FUT8: variants seen among roughly 807,000 people sequenced by gnomAD.
FUT8 encodes the protein alpha-(1,6)-fucosyltransferase.
Under a neutral mutation model 71.3 loss-of-function variants are expected in FUT8, and 29 were observed. That is an observed-to-expected ratio of 0.41 (90% CI 0.30 to 0.55). The LOEUF is 0.55. Among genes scored for constraint, FUT8 ranks in the 20% least tolerant of loss-of-function variants. FUT8 has a pLI of 0.34. For missense variants in FUT8, 544 were observed against 702.1 expected, an observed-to-expected ratio of 0.77 and a Z score of 2.55; for synonymous variants, 254 against 239.3, an observed-to-expected ratio of 1.06 and a Z score of -0.57.
At chr14:65,366,059 T>C in the FUT8 span, among the ~76,000 whole-genome samples, 1 of 152,140 alleles carries the variant, frequency 6.6e-6, no homozygotes, top group Non-Finnish European at 1.5e-5. Flanking sequence ...CACCCTGAAT[T>C]CTTTCTTGCA....
intron 5 of FUT8, among the ~76,000 whole-genome samples, chr14:65,624,252 C>T (rs191263752): frequency 8.6e-4 from 130 of 150,956 alleles, no homozygotes; most frequent in Non-Finnish European, 1.4e-3. Flanking sequence ...TATTGATACC[C>T]TAACTGCATT....
intron 2 of FUT8, among the ~76,000 whole-genome samples, chr14:65,531,199 TATG>T (rs1883934153): frequency 6.6e-6 from 1 of 151,822 alleles, no homozygotes; most frequent in Non-Finnish European, 1.5e-5. Flanking sequence ...TTCGAAAGGA[TATG>T]AGGTACTCAC....
chr14:65,617,849 C>T (rs900017669), intron 5 of FUT8, among the ~76,000 whole-genome samples: 7 of 151,674 alleles, frequency 4.6e-5, no homozygotes, highest in Non-Finnish European at 7.4e-5. Context: ...GAGGCTGAGG[C>T]CCAAGGATCA....
intron 2 of FUT8, among the ~76,000 whole-genome samples, chr14:65,480,221 G>A (rs758659288): frequency 2.1e-4 from 32 of 151,402 alleles, no homozygotes; most frequent in South Asian, 1.9e-3. Flanking sequence ...ATCTGAATCG[G>A]CCCTTTCTAT....
At chr14:65,454,431 A>G (rs763888747) in intron 1 of FUT8, among the ~76,000 whole-genome samples, 7 of 152,202 alleles carry the variant, frequency 4.6e-5, no homozygotes, top group Non-Finnish European at 2.9e-5. Flanking sequence ...GTTTGATACC[A>G]GCCTGGGCAA....
chr14:65,538,168 C>T (rs1314321307), intron 2 of FUT8, among the ~76,000 whole-genome samples: 1 of 152,182 alleles, frequency 6.6e-6, no homozygotes, highest in East Asian at 1.9e-4. Context: ...CACACCAAAC[C>T]CTCTGGGCTC....
At chr14:65,432,921 C>A (rs2065498766) in intron 1 of FUT8, among the ~76,000 whole-genome samples, 1 of 151,952 alleles carries the variant, frequency 6.6e-6, no homozygotes, top group African/African-American at 2.4e-5. Context: ...ATGGAGTAGC[C>A]ATTCTTTTAT....
chr14:65,544,449 G>GCA (rs548271406), intron 2 of FUT8, among the ~76,000 whole-genome samples: 6 of 151,660 alleles, frequency 4.0e-5, no homozygotes, highest in Admixed American at 2.6e-4. Flanking sequence ...TTATTTATGT[G>GCA]CACACACACA....
the FUT8 span, among the ~76,000 whole-genome samples, chr14:65,400,670 G>A: frequency 4.0e-3 from 615 of 152,276 alleles, 2 homozygotes; most frequent in Non-Finnish European, 6.0e-3. Flanking sequence ...AGGATTGCTT[G>A]AGCCTAGGAG....
At chr14:65,561,015 G>T (rs759300737) in intron 2 of FUT8, among the ~76,000 whole-genome samples, 1 of 152,086 alleles carries the variant, frequency 6.6e-6, no homozygotes, top group Non-Finnish European at 1.5e-5. Flanking sequence ...TTGATTGATT[G>T]TTCAAAGATA....
intron 3 of FUT8, among the ~76,000 whole-genome samples, chr14:65,601,474 G>C (rs957152637): frequency 1.6e-4 from 25 of 152,252 alleles, no homozygotes; most frequent in African/African-American, 6.0e-4. Flanking sequence ...ATATTTAGAA[G>C]TGGTCCGAAT....
intron 1 of FUT8, among the ~76,000 whole-genome samples, chr14:65,451,581 T>G (rs746198607): frequency 1.4e-4 from 21 of 152,204 alleles, no homozygotes; most frequent in Non-Finnish European, 2.8e-4. Flanking sequence ...GTATCCACAC[T>G]TGTGGCTCCT....
At chr14:65,541,659 A>G (rs1168730267) in intron 2 of FUT8, among the ~76,000 whole-genome samples, 2 of 152,208 alleles carry the variant, frequency 1.3e-5, no homozygotes, top group Non-Finnish European at 2.9e-5. Flanking sequence ...TTCTTTATTC[A>G]GTCTACTAAT....
At chr14:65,667,714 A>G (rs1047847336) in intron 6 of FUT8, among the ~76,000 whole-genome samples, 3 of 152,190 alleles carry the variant, frequency 2.0e-5, no homozygotes, top group Non-Finnish European at 4.4e-5. Context: ...CTGAATAGCC[A>G]AAGCCATCCT....
chr14:65,678,251 C>T (rs1235845209), intron 7 of FUT8, among the ~76,000 whole-genome samples: 1 of 152,206 alleles, frequency 6.6e-6, no homozygotes, highest in Non-Finnish European at 1.5e-5. Flanking sequence ...CTCAGAGCTA[C>T]TTGATGGCTT....
intron 3 of FUT8, among the ~76,000 whole-genome samples, chr14:65,575,273 C>T (rs911189353): frequency 1.3e-5 from 2 of 151,706 alleles, no homozygotes; most frequent in African/African-American, 2.4e-5. Context: ...TTTCTCTCTT[C>T]TTCCAATTTA....
At chr14:65,650,716 AAAAAAAAAAAAAAC>A (rs1222847169) in intron 6 of FUT8, among the ~76,000 whole-genome samples, 13 of 150,614 alleles carry the variant, frequency 8.6e-5, no homozygotes, top group African/African-American at 3.2e-4. Flanking sequence ...ACAAAAAAAA[AAAAAAAAAAAAAAC>A]AAAAAAAACC....
chr14:65,594,986 A>G (rs753589924), intron 3 of FUT8, among the ~76,000 whole-genome samples: 97 of 152,210 alleles, frequency 6.4e-4, no homozygotes, highest in Middle Eastern at 3.4e-3. Context: ...GCACACAGGG[A>G]TGGAAGTTTT....
At position 65,652,925 on chromosome 14, in the gene FUT8, T is replaced by C. The variant is rs1891479747; in HGVS notation, c.598-16318T>C. On this transcript the variant is annotated intron_variant, in intron 6 of 10. Transcript: ENST00000673929. This position sits in a 1 kb window ranked among gnomAD's most constrained non-coding sequence, Gnocchi z 4.0. Reference sequence around the variant, plus strand: ...ATAGCAGGGGATCATTGGCCATCTCTCTCTGTATTGGTCTTTTCAGTATTG... The same window carrying C: ...ATAGCAGGGGATCATTGGCCATCTCCCTCTGTATTGGTCTTTTCAGTATTG... Among the ~76,000 whole-genome samples, 1 of 152,176 alleles carries C rather than the reference T, an allele frequency of 6.6e-6. No individual in the cohort carries two copies. Among genetic ancestry groups the C allele is most frequent in the Non-Finnish European group, 1.5e-5 (1 of 68,036 alleles).
Sources: gnomAD v4.1 joint callset for allele counts (sites outside exome capture counted in the v4.1 genomes callset) on GRCh38, gnomAD v4.1.1 for gene constraint, Gnocchi (gnomAD v3.1) non-coding constraint, MANE v1.5 for transcripts, NCBI Gene and HGNC (gene_info 2026-07-23, HGNC 2026-07-21) for gene names.